TMEM132D: variants seen among roughly 807,000 people sequenced by gnomAD.
TMEM132D encodes the protein mature OL transmembrane protein.
TMEM132D carries 21 observed loss-of-function variants against 62.3 expected under a neutral mutation model. The observed-to-expected ratio is 0.34, with a 90% CI of 0.24 to 0.49. TMEM132D has a LOEUF of 0.49. Among genes scored for constraint, TMEM132D ranks in the 20% least tolerant of loss-of-function variants. The pLI is 0.99. For missense variants in TMEM132D, 1,346 were observed against 1,402.8 expected (o/e 0.96, Z 0.65); for synonymous variants, 621 against 575.6 (o/e 1.08, Z -1.13).
At chr12:129,588,917 C>T (rs1254279169) in intron 2 of TMEM132D, among the ~76,000 whole-genome samples, 3 of 152,062 alleles carry the variant, frequency 2.0e-5, no homozygotes, top group South Asian at 2.1e-4. Context: ...TTCCTGAAAG[C>T]ATTATCAGAA....
At chr12:129,676,451 G>A (rs971000238) in intron 2 of TMEM132D, among the ~76,000 whole-genome samples, 1 of 152,176 alleles carries the variant, frequency 6.6e-6, no homozygotes, top group Admixed American at 6.5e-5. Context: ...TTATAAAGAC[G>A]ATAGGTTTAT....
intron 3 of TMEM132D, among the ~76,000 whole-genome samples, chr12:129,411,236 C>T (rs183378818): frequency 1.3e-5 from 2 of 152,226 alleles, no homozygotes; most frequent in African/African-American, 4.8e-5. Context: ...TTTTAATTAT[C>T]TGATTGATGA....
At chr12:129,112,985 G>A (rs1464605200) in intron 5 of TMEM132D, 1 of 152,110 alleles carries the variant, frequency 6.6e-6, no homozygotes, top group Non-Finnish European at 1.5e-5. Flanking sequence ...TGCTATTGAG[G>A]GCAGATGCTG....
At chr12:129,390,091 T>C (rs1385735555) in intron 3 of TMEM132D, among the ~76,000 whole-genome samples, 4 of 152,214 alleles carry the variant, frequency 2.6e-5, no homozygotes, top group Non-Finnish European at 5.9e-5. Context: ...GGATTGTCGC[T>C]GTTGTGTGCG....
intron 3 of TMEM132D, among the ~76,000 whole-genome samples, chr12:129,435,291 A>G (rs1451865998): frequency 6.6e-6 from 1 of 152,172 alleles, no homozygotes; most frequent in Non-Finnish European, 1.5e-5. Context: ...GAGTGCAGAT[A>G]ATCCTTTCAA....
At chr12:129,407,995 C>T (rs944228289) in intron 3 of TMEM132D, among the ~76,000 whole-genome samples, 5 of 152,130 alleles carry the variant, frequency 3.3e-5, no homozygotes, top group Non-Finnish European at 5.9e-5. Context: ...AACTTCACCC[C>T]ACCTCCTTCT....
rs575879028 is a variant in TMEM132D, at chr12:129,072,007, T to G, written c.*1868A>C. On this transcript the variant is annotated 3_prime_UTR_variant, in exon 9 of 9. Coordinates refer to ENST00000422113, the MANE Select transcript of TMEM132D (RefSeq NM_133448.3). ...GACTTACTGGCTGCAGAAACCTCAGTCTCAAGAGCACCACAGTTGCAGGGG... is the reference window on the plus strand; with the variant it reads ...GACTTACTGGCTGCAGAAACCTCAGGCTCAAGAGCACCACAGTTGCAGGGG... 3.3e-5 allele frequency: 5 copies of G among 152,194 alleles called. No homozygotes were observed. Among genetic ancestry groups the G allele is most frequent in the African/African-American group, 1.2e-4 (5 of 41,512 alleles). 9.4% of individuals were successfully genotyped at this position (152,194 alleles called of 1,614,324 possible).
At chr12:129,587,489 T>C (rs1878062710) in intron 2 of TMEM132D, among the ~76,000 whole-genome samples, 1 of 152,018 alleles carries the variant, frequency 6.6e-6, no homozygotes. Context: ...CAAACCCCCA[T>C]GACACGAGTT....
intron 3 of TMEM132D, among the ~76,000 whole-genome samples, chr12:129,339,278 AG>A (rs1869389694): frequency 7.0e-6 from 1 of 142,242 alleles, no homozygotes; most frequent in Non-Finnish European, 1.5e-5. Flanking sequence ...AAAAAAAAAA[AG>A]GGAAAAGAAA....
At chr12:129,597,245 C>T (rs180808237) in intron 2 of TMEM132D, among the ~76,000 whole-genome samples, 3 of 152,288 alleles carry the variant, frequency 2.0e-5, no homozygotes, top group Admixed American at 2.0e-4. Flanking sequence ...TAGGAGAGGA[C>T]ATTTTTGCTG....
intron 5 of TMEM132D, among the ~76,000 whole-genome samples, chr12:129,087,748 G>C (rs1227330632): frequency 6.6e-6 from 1 of 152,204 alleles, no homozygotes; most frequent in Non-Finnish European, 1.5e-5. Flanking sequence ...AGAATACATG[G>C]GTGTCCACCA....
chr12:129,394,514 T>C (rs1566055486), intron 3 of TMEM132D, among the ~76,000 whole-genome samples: 3 of 152,282 alleles, frequency 2.0e-5, no homozygotes, highest in East Asian at 1.9e-4. Flanking sequence ...TTAGAAACGA[T>C]TGTGAGGTTC....
At chr12:129,158,572 A>G (rs1416781315) in intron 5 of TMEM132D, among the ~76,000 whole-genome samples, 1 of 152,162 alleles carries the variant, frequency 6.6e-6, no homozygotes, top group Non-Finnish European at 1.5e-5. Context: ...AAACGTACAA[A>G]ATCCCTCAGG....
At position 129,505,639 on chromosome 12, in the gene TMEM132D, A is replaced by G. The variant is rs190432193; in HGVS notation, c.1115+25420T>C. Reference sequence around the variant, plus strand: ...TGGAGTATTGAAGTCCCCCACTATTATTGTGTTGCTGTCTATCTCATTTAT... The same window carrying G: ...TGGAGTATTGAAGTCCCCCACTATTGTTGTGTTGCTGTCTATCTCATTTAT... On this transcript the variant is annotated intron_variant, in intron 3 of 8. Transcript: ENST00000422113. Among the ~76,000 whole-genome samples the G allele has an allele frequency of 2.6e-5, 4 of 152,008 alleles. No individual in the cohort carries two copies. The East Asian group carries it at 7.7e-4, about 29-fold the overall frequency.
intron 3 of TMEM132D, among the ~76,000 whole-genome samples, chr12:129,528,418 T>C (rs1455517412): frequency 8.0e-6 from 1 of 124,960 alleles, no homozygotes; most frequent in Non-Finnish European, 1.6e-5. Flanking sequence ...AAATAGGTAA[T>C]ACATGCACAC....
chr12:129,776,902 C>A (rs1038602760), intron 1 of TMEM132D, among the ~76,000 whole-genome samples: 1 of 151,882 alleles, frequency 6.6e-6, no homozygotes, highest in African/African-American at 2.4e-5. Flanking sequence ...TCGATATCTA[C>A]ACCTTTGGGT....
chr12:129,551,323 G>A (rs1316759781), intron 2 of TMEM132D, among the ~76,000 whole-genome samples: 2 of 152,226 alleles, frequency 1.3e-5, no homozygotes, highest in Non-Finnish European at 2.9e-5. Context: ...GAACAACAGT[G>A]TTCTGAAGTG....
At chr12:129,213,806 T>A (rs1228384409) in intron 4 of TMEM132D, among the ~76,000 whole-genome samples, 1 of 152,120 alleles carries the variant, frequency 6.6e-6, no homozygotes, top group Non-Finnish European at 1.5e-5. Context: ...ATGACCCAAA[T>A]ACCTCCCATG....
chr12:129,610,544 G>C (rs1201741272), intron 2 of TMEM132D, among the ~76,000 whole-genome samples: 4 of 152,066 alleles, frequency 2.6e-5, no homozygotes, highest in Non-Finnish European at 5.9e-5. Flanking sequence ...TTTTCTAGAA[G>C]TCTGGCTCAT....
Sources: gnomAD v4.1 joint callset for allele counts (sites outside exome capture counted in the v4.1 genomes callset) on GRCh38, gnomAD v4.1.1 for gene constraint, MANE v1.5 for transcripts, NCBI Gene and HGNC (gene_info 2026-07-23, HGNC 2026-07-21) for gene names.